The following RCAN3 variants were observed in gnomAD, a reference collection of about 807,000 sequenced individuals.
The protein encoded by RCAN3 is calcipressin-3.
In RCAN3, 19 loss-of-function variants were observed where a neutral mutation model predicts 21.9. The observed-to-expected ratio is 0.87, with a 90% CI of 0.61 to 1.27. The LOEUF is 1.27. RCAN3 is among the 50% of genes most tolerant of loss of function. The pLI, the probability that RCAN3 is intolerant of heterozygous loss-of-function variation, is 0.00. For synonymous variants in RCAN3, 114 were observed against 112.3 expected (o/e 1.01, Z -0.09); for missense variants, 240 against 300.1 (o/e 0.80, Z 1.48).
chr1:24,513,033 C>T (rs367960291), intron 1 of RCAN3, among the ~76,000 whole-genome samples: 6 of 151,948 alleles, frequency 3.9e-5, no homozygotes, highest in African/African-American at 4.8e-5. Flanking sequence ...GTCAGGAGAT[C>T]GAGACCATCC....
intron 1 of RCAN3, among the ~76,000 whole-genome samples, chr1:24,505,211 GTTTTTTTTTTTCTCTTTTTTCTTTTTTTT>G (rs1281858769): frequency 1.0e-4 from 9 of 89,708 alleles, no homozygotes; most frequent in Admixed American, 2.2e-4. Context: ...TTGTTGCTTT[GTTTTTTTTTTTCTCTTTTTTCTTTTTTTT>G]TTTTTTTTTT....
At chr1:24,502,739 C>A (rs1413382597), upstream of RCAN3, among the ~76,000 whole-genome samples, 2 of 150,768 alleles carry the variant, frequency 1.3e-5, no homozygotes, top group South Asian at 4.2e-4. Flanking sequence ...GCGAGACACC[C>A]CCACCCCGGC....
At chr1:24,510,123 T>C (rs1434356415) in intron 1 of RCAN3, among the ~76,000 whole-genome samples, 1 of 152,250 alleles carries the variant, frequency 6.6e-6, no homozygotes, top group Non-Finnish European at 1.5e-5. Flanking sequence ...TCATCCAGGC[T>C]GAATTGTTCC....
chr1:24,531,208 T>C lies in RCAN3; in HGVS notation c.196-10T>C. On this transcript the variant is annotated splice_polypyrimidine_tract_variant and intron_variant, in intron 2 of 4. Transcript: ENST00000374395. The stretch of plus-strand genomic sequence containing the variant: ...CCCCTTCCCTTTGCCTTGCTGCTCC[T>C]TAATTGTAGGAAAGATTTGAAGCAC... The C allele has an allele frequency of 6.6e-7, 1 of 1,503,830 alleles. No individual in the cohort carries two copies. The highest frequency in any genetic ancestry group is 8.9e-7 in the Non-Finnish European group (1 of 1,117,948). 93.2% of individuals were successfully genotyped at this position (1,503,830 alleles called of 1,614,324 possible). A position where few individuals can be genotyped will look rare whatever the true frequency, so the allele number is the denominator to read the frequency against.
chr1:24,535,366 A>G lies in RCAN3; in HGVS notation c.*89A>G. ...CGGCCGATGCGTTGCTGCGAACAGC[A>G]TAGGTGAGACTCTGCCGAGTGAGGT... is the stretch of plus-strand genomic sequence containing the variant. On this transcript the variant is annotated 3_prime_UTR_variant, in exon 5 of 5. Transcript: ENST00000374395. 7.1e-7 allele frequency: 1 copy of G among 1,408,070 alleles called. No individual in the cohort carries two copies. The highest frequency in any genetic ancestry group is 9.4e-7 in the Non-Finnish European group (1 of 1,065,074). 87.2% of individuals were successfully genotyped at this position (1,408,070 alleles called of 1,614,324 possible).
chr1:24,503,825 G>A (rs967149786), intron 1 of RCAN3, among the ~76,000 whole-genome samples: 1 of 152,218 alleles, frequency 6.6e-6, no homozygotes, highest in Non-Finnish European at 1.5e-5. Context: ...GCTTCCACTT[G>A]TTGGAAGCCA....
In RCAN3 at chr1:24,534,144, A is replaced by G. The variant is rs1031023094; in HGVS notation, c.541+890A>G. On this transcript the variant is annotated intron_variant, in intron 4 of 4. Coordinates refer to ENST00000374395, the MANE Select transcript of RCAN3 (RefSeq NM_013441.4). The stretch of plus-strand genomic sequence containing the variant: ...ACAGTTGTCCACCCAAGACAGAGTT[A>G]TGTCTCTTGTAGGGGAATAAAAGAG... Among the ~76,000 whole-genome samples the G allele has an allele frequency of 3.3e-5, 5 of 152,232 alleles. No homozygotes were observed. In the East Asian group the frequency reaches 9.6e-4, roughly 29 times the overall value.
intron 2 of RCAN3, among the ~76,000 whole-genome samples, chr1:24,515,430 G>A (rs1044841926): frequency 5.5e-5 from 2 of 36,482 alleles, no homozygotes; most frequent in Non-Finnish European, 1.2e-4. Flanking sequence ...AAAGAGAGGT[G>A]TGTGTGTGTG....
At chr1:24,530,009 A>AG (rs920207089) in intron 2 of RCAN3, among the ~76,000 whole-genome samples, 1 of 142,502 alleles carries the variant, frequency 7.0e-6, no homozygotes, top group Non-Finnish European at 1.5e-5. Flanking sequence ...AAAAAAAAAA[A>AG]CAAAACAAAA....
chr1:24,534,982 A>T, intron 4 of RCAN3, 111 bp from the exon 5 acceptor site: 1 of 984,730 alleles, frequency 1.0e-6, no homozygotes, highest in African/African-American at 1.7e-5. Context: ...AGATTTAAAG[A>T]ACAAGAATCA....
chr1:24,512,690 A>G (rs1387635805), intron 1 of RCAN3, among the ~76,000 whole-genome samples: 1 of 152,206 alleles, frequency 6.6e-6, no homozygotes, highest in Non-Finnish European at 1.5e-5. Flanking sequence ...AAAAATCACA[A>G]ATCAGGTGGT....
intron 1 of RCAN3, among the ~76,000 whole-genome samples, chr1:24,509,518 G>C (rs1249842822): frequency 1.3e-5 from 2 of 152,174 alleles, no homozygotes; most frequent in Non-Finnish European, 2.9e-5. Flanking sequence ...CACCCTCTTT[G>C]CTCATTCACA....
rs1192555102 is a variant in RCAN3, at chr1:24,525,077, G to A, written c.196-6141G>A. On this transcript the variant is annotated intron_variant, in intron 2 of 4. Coordinates refer to ENST00000374395, the MANE Select transcript of RCAN3 (RefSeq NM_013441.4). The surrounding 1 kb of genome is among the most constrained non-coding windows in gnomAD (Gnocchi z 4.1). ...TTCTTCAGTGAAACAGCTAAACCTT[G>A]CCTTCTCCGAATTGGGATGGGGCAA... is the stretch of plus-strand genomic sequence containing the variant. 2.0e-5 allele frequency among the ~76,000 whole-genome samples: 3 copies of A among 151,906 alleles called. No individual in the cohort carries two copies. Among genetic ancestry groups the A allele is most frequent in the African/African-American group, 7.3e-5 (3 of 41,332 alleles).
Position 24,531,333 on chromosome 1 carries a change from G to A in RCAN3, c.311G>A (p.Arg104Gln), listed in dbSNP as rs201206210. The change falls in exon 3 of 5, where the codon CGA (arginine) becomes CAA (glutamine). Residue 104 changes from arginine to glutamine, a missense_variant. Arg to Gln is a conservative substitution (Grantham distance 43, BLOSUM62 1). Coordinates refer to ENST00000374395, the MANE Select transcript of RCAN3 (RefSeq NM_013441.4). ...FSKPEAAARA[R>Q]IELHETDFNG... ...AAACCTGAAGCGGCAGCAAGAGCGC[G>A]AATAGAACTCCACGAAACAGACTTC... The A allele has an allele frequency of 1.7e-5, 27 of 1,613,722 alleles. No homozygotes were observed. Among genetic ancestry groups the A allele is most frequent in the Non-Finnish European group, 2.2e-5 (26 of 1,179,892 alleles).
intron 2 of RCAN3, among the ~76,000 whole-genome samples, chr1:24,521,805 G>A (rs1233314350): frequency 6.6e-6 from 1 of 151,776 alleles, no homozygotes; most frequent in Non-Finnish European, 1.5e-5. Context: ...CTGAGATCGT[G>A]CCATTGTACT....
intron 1 of RCAN3, among the ~76,000 whole-genome samples, chr1:24,504,114 G>A (rs978975081): frequency 3.3e-5 from 5 of 152,198 alleles, no homozygotes; most frequent in African/African-American, 4.8e-5. Context: ...TGAAAACTGA[G>A]TCTCTTCTTT....
At chr1:24,507,569 A>T (rs1409656391) in intron 1 of RCAN3, 1 of 152,256 alleles carries the variant, frequency 6.6e-6, no homozygotes, top group Non-Finnish European at 1.5e-5. Context: ...ATGTAAGTGT[A>T]TAACAGAAAA....
intron 3 of RCAN3, 88 bp from the exon 4 acceptor site, chr1:24,532,995 A>G (rs1420777968): frequency 1.1e-6 from 1 of 878,624 alleles, no homozygotes; most frequent in Non-Finnish European, 1.5e-6. Context: ...AATTTTCTAC[A>G]AAAAGATGGA....
At position 24,533,266 on chromosome 1, in the gene RCAN3, C is replaced by G. The variant is rs1380064246; in HGVS notation, c.541+12C>G. 1.3e-6 allele frequency: 2 copies of G among 1,503,456 alleles called. No homozygotes were observed. The highest frequency in any genetic ancestry group is 8.9e-7 in the Non-Finnish European group (1 of 1,126,388). 93.1% of individuals were successfully genotyped at this position (1,503,456 alleles called of 1,614,324 possible). ...CAAATTGGGACCAGGTAATAAACTTCTATTTTTCCTATTTTCTTCCCCAAG... is the reference window on the plus strand; with the variant it reads ...CAAATTGGGACCAGGTAATAAACTTGTATTTTTCCTATTTTCTTCCCCAAG... On this transcript the variant is annotated intron_variant, in intron 4 of 4. Coordinates refer to ENST00000374395, the MANE Select transcript of RCAN3 (RefSeq NM_013441.4).
Sources: allele counts gnomAD v4.1 joint callset (sites outside exome capture counted in the v4.1 genomes callset), GRCh38; gene constraint gnomAD v4.1.1; non-coding constraint Gnocchi (gnomAD v3.1); transcripts MANE v1.5; gene names NCBI Gene and HGNC (gene_info 2026-07-23, HGNC 2026-07-21).